Variants in ADAM15 observed in about 807,000 individuals in gnomAD.
ADAM15 encodes disintegrin and metalloproteinase domain-containing protein 15.
In ADAM15, 77 loss-of-function variants were observed where a neutral mutation model predicts 113.8. That is an observed-to-expected ratio of 0.68 (90% CI 0.56 to 0.82). The LOEUF is 0.82. ADAM15 is among the 40% of genes least tolerant of loss of function. The probability of loss-of-function intolerance (pLI) is 0.00; values close to 1 mark genes in which losing one functional copy is unlikely to be tolerated. For missense variants in ADAM15, 963 were observed against 1,120.1 expected (o/e 0.86, Z 2.00); for synonymous variants, 388 against 454.1 (o/e 0.85, Z 1.85).
intron 1 of ADAM15, chr1:155,051,715 T>C (rs1029381796): frequency 2.5e-6 from 1 of 393,568 alleles, no homozygotes; most frequent in Non-Finnish European, 4.6e-6. Context: ...GCGGACACTT[T>C]CAGGCTCAGG....
In ADAM15 at chr1:155,057,439, C is replaced by T; in HGVS notation, c.1323+77C>T. On this transcript the variant is annotated intron_variant, in intron 12 of 22. Coordinates refer to ENST00000356955, the MANE Select transcript of ADAM15 (RefSeq NM_207197.3). This position sits in a 1 kb window ranked among gnomAD's most constrained non-coding sequence, Gnocchi z 5.0. ...GGCTCATTAGCCCTATCCCAGCCTC[C>T]TGAGCTCTTGGGTTCTGAAGGGACT... 4 of 1,583,670 alleles carry T rather than the reference C, an allele frequency of 2.5e-6. No homozygotes were observed. Among genetic ancestry groups the T allele is most frequent in the Non-Finnish European group, 3.5e-6 (4 of 1,159,168 alleles).
rs1221612303 is a variant in ADAM15 at position 155,057,730 on chromosome 1, GT to G, written c.1416+2del. 6.2e-7 allele frequency: 1 copy of G among 1,614,102 alleles called. No homozygotes were observed. The highest frequency in any genetic ancestry group is 8.5e-7 in the Non-Finnish European group (1 of 1,180,056). On this transcript the variant is annotated splice_donor_variant, in intron 13 of 22. Coordinates refer to ENST00000356955, the MANE Select transcript of ADAM15 (RefSeq NM_207197.3). LOFTEE classifies it high-confidence loss of function. The surrounding 1 kb of genome is among the most constrained non-coding windows in gnomAD (Gnocchi z 5.0). ...CGGACCCTGTTGTCAAAATTGCCAG[GT>G]GGGTAGAGACTAGACTGGCCACCCG...
In ADAM15 at chr1:155,058,523, C is replaced by T; in HGVS notation, c.1917+82C>T. 1 of 1,569,096 alleles carries T rather than the reference C, an allele frequency of 6.4e-7. No individual in the cohort carries two copies. The highest frequency in any genetic ancestry group is 1.1e-5 in the South Asian group (1 of 87,440). On this transcript the variant is annotated intron_variant, in intron 15 of 22. Transcript: ENST00000356955. This position sits in a 1 kb window ranked among gnomAD's most constrained non-coding sequence, Gnocchi z 4.3. Reference sequence around the variant, plus strand: ...AACAGAGCCCAGACTTCACCATTCACCAATGTCAAAGGCAGGGACTCCAAG... The same window carrying T: ...AACAGAGCCCAGACTTCACCATTCATCAATGTCAAAGGCAGGGACTCCAAG...
In ADAM15 at chr1:155,053,788, T is replaced by A. The variant is rs1430236382; in HGVS notation, c.264-122T>A. ...TACTTTGCTGCCCCGGGGTCAGGAGTGGAAAAGTTGGCTGCGGGGGTTGCC... is the reference window on the plus strand; with the variant it reads ...TACTTTGCTGCCCCGGGGTCAGGAGAGGAAAAGTTGGCTGCGGGGGTTGCC... On this transcript the variant is annotated intron_variant, in intron 3 of 22. Coordinates refer to ENST00000356955, the MANE Select transcript of ADAM15 (RefSeq NM_207197.3). 5 of 1,141,110 alleles carry A rather than the reference T, an allele frequency of 4.4e-6. No individual in the cohort carries two copies. In the East Asian group the frequency reaches 9.6e-5, roughly 22 times the overall value. 70.7% of individuals were successfully genotyped at this position (1,141,110 alleles called of 1,614,324 possible). A position where few individuals can be genotyped will look rare whatever the true frequency, so the allele number is the denominator to read the frequency against.
intron 16 of ADAM15, among the ~76,000 whole-genome samples, chr1:155,059,363 A>G (rs775945734): frequency 2.0e-4 from 31 of 152,166 alleles, no homozygotes; most frequent in Middle Eastern, 3.4e-3. Flanking sequence ...CACTGCACCC[A>G]GCCAAATCAC....
chr1:155,052,576 A>T (rs1210765139), intron 1 of ADAM15, 95 bp from the exon 2 acceptor site: 2 of 1,551,300 alleles, frequency 1.3e-6, no homozygotes, highest in Admixed American at 2.0e-5. Context: ...AAGGGTCTTG[A>T]TGGGCTGGGA....
At chr1:155,053,544 A>G (rs1325064606) in intron 3 of ADAM15, 51 bp downstream of exon 3, 1 of 1,584,274 alleles carries the variant, frequency 6.3e-7, no homozygotes, top group East Asian at 2.2e-5. Context: ...CAACTTGTAT[A>G]GCATTTATTA....
intron 4 of ADAM15, 21 bp from the exon 5 acceptor site, chr1:155,054,129 A>G (rs1162545954): frequency 6.2e-7 from 1 of 1,613,790 alleles, no homozygotes; most frequent in Non-Finnish European, 8.5e-7. Context: ...AGACAGCACT[A>G]ATGTTGTTCC....
chr1:155,057,574 A>G lies in ADAM15; in HGVS notation c.1324-63A>G. On this transcript the variant is annotated intron_variant, in intron 12 of 22. Transcript: ENST00000356955. The surrounding 1 kb of genome is among the most constrained non-coding windows in gnomAD (Gnocchi z 5.0). ...GTCTTGGCCTGTGGGAGGAGGAGAGATTGGAGGGAGGCTCACAGGCCCCAC... is the reference window on the plus strand; with the variant it reads ...GTCTTGGCCTGTGGGAGGAGGAGAGGTTGGAGGGAGGCTCACAGGCCCCAC... 1 of 1,585,100 alleles carries G rather than the reference A, an allele frequency of 6.3e-7. No individual in the cohort carries two copies. Among genetic ancestry groups the G allele is most frequent in the Non-Finnish European group, 8.7e-7 (1 of 1,155,048 alleles).
At chr1:155,061,382 C>T (rs1344115798) in intron 19 of ADAM15, 33 bp from the exon 20 acceptor site, 4 of 1,596,714 alleles carry the variant, frequency 2.5e-6, no homozygotes, top group Non-Finnish European at 3.4e-6. Flanking sequence ...CCTCTTCCCC[C>T]TCTGTGCCTA....
chr1:155,061,939 C>A lies in ADAM15; in HGVS notation c.2388C>A (p.Arg796=). The A allele has an allele frequency of 6.3e-7, 1 of 1,586,842 alleles. No homozygotes were observed. The highest frequency in any genetic ancestry group is 8.6e-7 in the Non-Finnish European group (1 of 1,164,096). Residue 796 remains arginine (R), a synonymous_variant, in exon 21 of 23, where the codon CGC becomes CGA. Coordinates refer to ENST00000356955, the MANE Select transcript of ADAM15 (RefSeq NM_207197.3). Reference sequence around the variant, plus strand: ...CTGACCGACCCAATCCCCCTACCCGCCCTCTGCCCGCTGACCCGGTGGTGA... The same window carrying A: ...CTGACCGACCCAATCCCCCTACCCGACCTCTGCCCGCTGACCCGGTGGTGA... ...ELADRPNPPT[R]PLPADPVVRS...
rs1206881105 is a variant in ADAM15 at position 155,051,422 on chromosome 1, G to A, written c.36G>A (p.Leu12=). The A allele has an allele frequency of 1.9e-6, 3 of 1,565,262 alleles. No individual in the cohort carries two copies. The highest frequency in any genetic ancestry group is 1.7e-6 in the Non-Finnish European group (2 of 1,161,014). Residue 12 remains leucine, a synonymous_variant, in exon 1 of 23, where the codon CTG becomes CTA. Transcript: ENST00000356955. ...RLALLWALGL[L]GAGSPLPSWP... is the part of the protein sequence containing the mutation. ...CGCTGCTCTGGGCCCTGGGGCTCCT[G>A]GGCGCGGGCAGCCCTCTGCCTTCCT...
Position 155,054,505 on chromosome 1 carries a change from G to A in ADAM15, c.611G>A (p.Arg204Gln), listed in dbSNP as rs768649953. 1.1e-5 allele frequency: 17 copies of A among 1,562,970 alleles called. 1 individual carries two copies. Among genetic ancestry groups the A allele is most frequent in the Non-Finnish European group, 1.4e-5 (16 of 1,151,836 alleles). The change falls in exon 6 of 23, where the codon CGG (arginine) becomes CAG (glutamine). Residue 204 changes from arginine to glutamine, a missense_variant and splice_region_variant. Coordinates refer to ENST00000356955, the MANE Select transcript of ADAM15 (RefSeq NM_207197.3). Reference protein sequence around the residue: ...EHPLGQRHIRRRRDVVTETKT... With the variant: ...EHPLGQRHIRQRRDVVTETKT... ...CCCCTGGGACAGCGCCACATTCGCC[G>A]GGTGAGGATGAATGGCAGGGGGGTG...
chr1:155,062,644 C>A lies in ADAM15; in HGVS notation c.*142C>A. The A allele has an allele frequency of 1.7e-6, 2 of 1,197,394 alleles. No homozygotes were observed. The highest frequency in any genetic ancestry group is 2.3e-6 in the Non-Finnish European group (2 of 860,428). The allele number at this position is 1,197,394 out of a possible 1,614,324, so 74.2% of individuals were successfully genotyped here. On this transcript the variant is annotated 3_prime_UTR_variant, in exon 23 of 23. Transcript: ENST00000356955. The surrounding 1 kb of genome is among the most constrained non-coding windows in gnomAD (Gnocchi z 7.0). ...CCGGGCACCGCCACGCGCTGTCAAG[C>A]AACACTCTGCGGACCTGCCGGCGTA... is the stretch of plus-strand genomic sequence containing the variant.
rs1021723791 is a variant in ADAM15, at chr1:155,062,068, C to T, written c.2424+93C>T. 5.4e-6 allele frequency: 8 copies of T among 1,481,884 alleles called. No homozygotes were observed. Among genetic ancestry groups the T allele is most frequent in the Admixed American group, 2.4e-5 (1 of 42,112 alleles). The allele number at this position is 1,481,884 out of a possible 1,614,324, so 91.8% of individuals were successfully genotyped here. On this transcript the variant is annotated intron_variant, in intron 21 of 22. Transcript: ENST00000356955. This position sits in a 1 kb window ranked among gnomAD's most constrained non-coding sequence, Gnocchi z 7.0. Reference sequence around the variant, plus strand: ...ACGGTGGTGGCCGTGGCGAGATGCCCCCTCAGTGCATGAGGGCACATATCC... The same window carrying T: ...ACGGTGGTGGCCGTGGCGAGATGCCTCCTCAGTGCATGAGGGCACATATCC...
rs1327686635 is a variant in ADAM15 at position 155,058,860 on chromosome 1, AT to A, written c.1995+74del. On this transcript the variant is annotated intron_variant, in intron 16 of 22. Coordinates refer to ENST00000356955, the MANE Select transcript of ADAM15 (RefSeq NM_207197.3). The surrounding 1 kb of genome is among the most constrained non-coding windows in gnomAD (Gnocchi z 4.3). ...AGGAAAAGGATACTGGGCTTTGGAA[AT>A]AGACATATCTGGGTTTTAATCCTTG... 6.7e-7 allele frequency: 1 copy of A among 1,494,298 alleles called. No homozygotes were observed. Among genetic ancestry groups the A allele is most frequent in the African/African-American group, 1.4e-5 (1 of 70,958 alleles). The allele number at this position is 1,494,298 out of a possible 1,614,324, so 92.6% of individuals were successfully genotyped here. A position where few individuals can be genotyped will look rare whatever the true frequency, so the allele number is the denominator to read the frequency against.
At chr1:155,051,776 G>A (rs927251272) in intron 1 of ADAM15, 15 of 287,888 alleles carry the variant, frequency 5.2e-5, no homozygotes, top group Non-Finnish European at 9.1e-5. Context: ...CGTGATGAGA[G>A]GGTCGCTGCT....
Position 155,056,230 on chromosome 1 carries a change from G to T in ADAM15, c.895G>T (p.Asp299Tyr), listed in dbSNP as rs1471499984. The T allele has an allele frequency of 6.2e-7, 1 of 1,613,862 alleles. No homozygotes were observed. The highest frequency in any genetic ancestry group is 8.5e-7 in the Non-Finnish European group (1 of 1,180,044). ...RAHLLPRLPH[D>Y]SAQLVTGTSF... ...ACATTTGCTGCCTCGATTGCCCCAT[G>T]ACAGTGCCCAGCTGGTGACGTAAGG... Residue 299 changes from aspartate (D) to tyrosine (Y), a missense_variant, in exon 9 of 23, where the codon GAC becomes TAC. Physicochemically the swap from Asp to Tyr is radical, Grantham distance 160. Coordinates refer to ENST00000356955, the MANE Select transcript of ADAM15 (RefSeq NM_207197.3). The surrounding 1 kb of genome is among the most constrained non-coding windows in gnomAD (Gnocchi z 4.0).
Position 155,051,465 on chromosome 1 carries a change from G to T in ADAM15, c.79G>T (p.Gly27Cys), listed in dbSNP as rs1207627692. The stretch of plus-strand genomic sequence containing the variant: ...GCCTTCCTGGCCGCTCCCAAATATA[G>T]GTGAGTCCTCCGCCTGGAGTGGGTC... ...PLPSWPLPNI[G>C]GTEEQQAESE... The change falls in exon 1 of 23, where the codon GGT becomes TGT. Residue 27 changes from glycine to cysteine, a missense_variant and splice_region_variant. Physicochemically the swap from Gly to Cys is radical, Grantham distance 159. Coordinates refer to ENST00000356955, the MANE Select transcript of ADAM15 (RefSeq NM_207197.3). The T allele has an allele frequency of 6.4e-7, 1 of 1,566,440 alleles. No homozygotes were observed. The highest frequency in any genetic ancestry group is 8.6e-7 in the Non-Finnish European group (1 of 1,160,818).
Sources: allele counts gnomAD v4.1 joint callset (sites outside exome capture counted in the v4.1 genomes callset), GRCh38; gene constraint gnomAD v4.1.1; non-coding constraint Gnocchi (gnomAD v3.1); transcripts MANE v1.5; gene names NCBI Gene and HGNC (gene_info 2026-07-23, HGNC 2026-07-21).